SERGEF: variants seen among roughly 807,000 people sequenced by gnomAD.
The protein encoded by SERGEF is secretion-regulating guanine nucleotide exchange factor.
Under a neutral mutation model 50.0 loss-of-function variants are expected in SERGEF, and 51 were observed. That is an observed-to-expected ratio of 1.02 (90% CI 0.81 to 1.29). The LOEUF is 1.29. SERGEF is among the 50% of genes most tolerant of loss of function. The pLI, the probability that SERGEF is intolerant of heterozygous loss-of-function variation, is 0.00. For synonymous variants in SERGEF, 205 were observed against 212.4 expected, an observed-to-expected ratio of 0.97 and a Z score of 0.30; for missense variants, 521 against 557.0, an observed-to-expected ratio of 0.94 and a Z score of 0.65.
chr11:17,973,091 C>T (rs901775432), intron 8 of SERGEF, among the ~76,000 whole-genome samples: 1 of 152,132 alleles, frequency 6.6e-6, no homozygotes, highest in African/African-American at 2.4e-5. Flanking sequence ...TCACAGTACC[C>T]AAGCTGAAGG....
At chr11:17,925,612 T>C (rs779755528) in intron 9 of SERGEF, among the ~76,000 whole-genome samples, 2 of 152,174 alleles carry the variant, frequency 1.3e-5, no homozygotes, top group South Asian at 2.1e-4. Context: ...CAGACCCTAG[T>C]GTTTCCTCCT....
At chr11:17,874,977 G>A (rs1851214589) in intron 10 of SERGEF, among the ~76,000 whole-genome samples, 5 of 152,132 alleles carry the variant, frequency 3.3e-5, no homozygotes, top group Admixed American at 2.0e-4. Flanking sequence ...TTACTTTTGT[G>A]TTAGGCATTG....
intron 8 of SERGEF, among the ~76,000 whole-genome samples, chr11:17,968,403 C>T (rs1853174498): frequency 6.6e-6 from 1 of 152,194 alleles, no homozygotes; most frequent in African/African-American, 2.4e-5. Flanking sequence ...GTGCTAGGGG[C>T]TACTGCACTG....
chr11:17,809,155 G>A (rs1203734951), intron 10 of SERGEF, among the ~76,000 whole-genome samples: 1 of 152,322 alleles, frequency 6.6e-6, no homozygotes, highest in African/African-American at 2.4e-5. Context: ...GAAAAGTTAG[G>A]GGAGAGGGAA....
intron 9 of SERGEF, among the ~76,000 whole-genome samples, chr11:17,920,626 C>T (rs1852136563): frequency 2.0e-5 from 3 of 152,356 alleles, no homozygotes; most frequent in South Asian, 4.1e-4. Context: ...CCAACTTCAA[C>T]TCTCACTCTA....
Position 17,888,293 on chromosome 11 carries a change from A to C in SERGEF, c.1012-10049T>G, listed in dbSNP as rs1269680013. Among the ~76,000 whole-genome samples, 1 of 152,208 alleles carries C rather than the reference A, an allele frequency of 6.6e-6. No homozygotes were observed. Among genetic ancestry groups the C allele is most frequent in the Admixed American group, 6.5e-5 (1 of 15,280 alleles). On this transcript the variant is annotated intron_variant, in intron 9 of 10. Transcript: ENST00000265965. The surrounding 1 kb of genome is among the most constrained non-coding windows in gnomAD (Gnocchi z 4.1). ...AATATGAAACTCAAAAGTAGGCAAAACTGATTTCAAATAAATAATATAACT... is the reference window on the plus strand; with the variant it reads ...AATATGAAACTCAAAAGTAGGCAAACCTGATTTCAAATAAATAATATAACT...
At chr11:17,808,232 G>T (rs1460421821) in intron 10 of SERGEF, among the ~76,000 whole-genome samples, 2 of 152,236 alleles carry the variant, frequency 1.3e-5, no homozygotes, top group Non-Finnish European at 2.9e-5. Flanking sequence ...TCGCTACAAA[G>T]AAATGCCTGA....
intron 10 of SERGEF, among the ~76,000 whole-genome samples, chr11:17,818,966 G>A (rs889138262): frequency 1.6e-4 from 25 of 152,198 alleles, no homozygotes; most frequent in African/African-American, 5.8e-4. Flanking sequence ...CCTAGCCTAA[G>A]TATCACCTCC....
At chr11:17,843,511 GAA>G (rs2133864650) in intron 10 of SERGEF, among the ~76,000 whole-genome samples, 2 of 152,348 alleles carry the variant, frequency 1.3e-5, no homozygotes, top group African/African-American at 4.8e-5. Flanking sequence ...CACAGTAAGA[GAA>G]AGAGTTGAGA....
intron 10 of SERGEF, among the ~76,000 whole-genome samples, chr11:17,821,924 G>T (rs1850093430): frequency 6.6e-6 from 1 of 152,116 alleles, no homozygotes; most frequent in South Asian, 2.1e-4. Context: ...ACATATTTCA[G>T]CACTGAAAGG....
intron 9 of SERGEF, among the ~76,000 whole-genome samples, chr11:17,946,615 A>G (rs139911334): frequency 3.9e-4 from 59 of 152,310 alleles, no homozygotes; most frequent in African/African-American, 1.3e-3. Context: ...ATACAGCAGT[A>G]ACTACAGAAC....
chr11:17,963,422 G>A (rs1319794725), intron 8 of SERGEF, among the ~76,000 whole-genome samples: 1 of 137,728 alleles, frequency 7.3e-6, no homozygotes, highest in African/African-American at 2.7e-5. Context: ...GAGTCTTACT[G>A]CATTATCCAG....
At chr11:17,904,325 A>G (rs1211160011) in intron 9 of SERGEF, among the ~76,000 whole-genome samples, 1 of 152,216 alleles carries the variant, frequency 6.6e-6, no homozygotes, top group Non-Finnish European at 1.5e-5. Context: ...GTTGAGGACT[A>G]AAGTCTACTC....
intron 10 of SERGEF, among the ~76,000 whole-genome samples, chr11:17,865,810 G>A (rs1350315128): frequency 6.6e-6 from 1 of 152,094 alleles, no homozygotes; most frequent in Non-Finnish European, 1.5e-5. Context: ...GATTTTTTGT[G>A]TGTAATTCAG....
intron 9 of SERGEF, among the ~76,000 whole-genome samples, chr11:17,949,368 A>G (rs95807): frequency 0.23 from 34,591 of 151,668 alleles, 4,393 homozygotes; most frequent in African/African-American, 0.34. Context: ...AGTGTAAACA[A>G]CAAGGAGGTC....
chr11:17,896,840 G>C (rs1590184119), intron 9 of SERGEF, among the ~76,000 whole-genome samples: 2 of 64,920 alleles, frequency 3.1e-5, no homozygotes, highest in African/African-American at 1.3e-4. Flanking sequence ...GGAAGGGTAA[G>C]GGAAGGGAAG....
At chr11:17,981,573 C>T (rs1384299666) in intron 8 of SERGEF, among the ~76,000 whole-genome samples, 2 of 152,126 alleles carry the variant, frequency 1.3e-5, no homozygotes, top group Non-Finnish European at 2.9e-5. Context: ...ATCTTGCCAA[C>T]TTCATATGAG....
At chr11:17,858,691 T>A (rs920590072) in intron 10 of SERGEF, among the ~76,000 whole-genome samples, 1 of 151,958 alleles carries the variant, frequency 6.6e-6, no homozygotes, top group Non-Finnish European at 1.5e-5. Flanking sequence ...GAAGACCACA[T>A]CAAACTGGAC....
chr11:17,890,228 G>A (rs1590179698), intron 9 of SERGEF, among the ~76,000 whole-genome samples: 1 of 152,136 alleles, frequency 6.6e-6, no homozygotes, highest in Non-Finnish European at 1.5e-5. Context: ...GGACTGTGAT[G>A]CAATGGGTCG....
Sources: allele counts gnomAD v4.1 joint callset (sites outside exome capture counted in the v4.1 genomes callset), GRCh38; gene constraint gnomAD v4.1.1; non-coding constraint Gnocchi (gnomAD v3.1); transcripts MANE v1.5; gene names NCBI Gene and HGNC (gene_info 2026-07-23, HGNC 2026-07-21).